Variants in SLC35A5 observed in about 807,000 individuals in gnomAD.
The protein encoded by SLC35A5 is solute carrier family 35 member A5.
SLC35A5 carries 28 observed loss-of-function variants against 36.3 expected under a neutral mutation model. That is an observed-to-expected ratio of 0.77 (90% CI 0.57 to 1.06). The LOEUF is 1.06. Ranked by LOEUF, SLC35A5 falls within the 50% of genes least tolerant of loss-of-function variation. The pLI is 0.00. For missense variants in SLC35A5, 521 were observed against 499.3 expected (o/e 1.04, Z -0.41); for synonymous variants, 180 against 173.7 (o/e 1.04, Z -0.29).
At chr3:112,563,096 C>G (rs1197701074) in intron 1 of SLC35A5, among the ~76,000 whole-genome samples, 1 of 152,168 alleles carries the variant, frequency 6.6e-6, no homozygotes, top group Non-Finnish European at 1.5e-5. Flanking sequence ...AAATAAAATT[C>G]AAAATTGCTT....
intron 2 of SLC35A5, among the ~76,000 whole-genome samples, chr3:112,567,661 T>G (rs1224259282): frequency 1.3e-5 from 2 of 152,216 alleles, no homozygotes; most frequent in Non-Finnish European, 2.9e-5. Flanking sequence ...AGCCCCTTCC[T>G]CTGGGGCTGA....
Position 112,574,005 on chromosome 3 carries a change from C to T in SLC35A5, c.428+49C>T, listed in dbSNP as rs1934568020. On this transcript the variant is annotated intron_variant, in intron 5 of 6. Coordinates refer to ENST00000492406, the MANE Select transcript of SLC35A5 (RefSeq NM_017945.5). ...TATATCATACTTTAAAATAACATAG[C>T]CCGGTTTCAAATGATATACCCAGAA... 4 of 1,490,376 alleles carry T rather than the reference C, an allele frequency of 2.7e-6. No individual in the cohort carries two copies. In the Middle Eastern group the frequency reaches 7.1e-4, roughly 265 times the overall value. 92.3% of individuals were successfully genotyped at this position (1,490,376 alleles called of 1,614,324 possible). A position where few individuals can be genotyped will look rare whatever the true frequency, so the allele number is the denominator to read the frequency against.
rs1035164186 is a variant in SLC35A5 at position 112,583,454 on chromosome 3, G to GCCA, written c.*720_*722dup. 11 of 240,248 alleles carry GCCA rather than the reference G, an allele frequency of 4.6e-5. No individual in the cohort carries two copies. In the Admixed American group the frequency reaches 6.1e-4, roughly 13 times the overall value. 14.9% of individuals were successfully genotyped at this position (240,248 alleles called of 1,614,324 possible). A position where few individuals can be genotyped will look rare whatever the true frequency, so the allele number is the denominator to read the frequency against. On this transcript the variant is annotated 3_prime_UTR_variant, in exon 7 of 7. Transcript: ENST00000492406. ...CTTGTATTTTAAGTCATTTAAACAAGCCACGGTGGGGCTTTTTTCTCCTCA... is the reference window on the plus strand; with the variant it reads ...CTTGTATTTTAAGTCATTTAAACAAGCCACCACGGTGGGGCTTTTTTCTCCTCA...
intron 4 of SLC35A5, among the ~76,000 whole-genome samples, chr3:112,572,885 C>A (rs562440426): frequency 2.0e-5 from 3 of 152,220 alleles, no homozygotes; most frequent in Non-Finnish European, 4.4e-5. Flanking sequence ...TTCCACACTT[C>A]ACAGCCACTT....
At position 112,581,002 on chromosome 3, in the gene SLC35A5, CTG is replaced by C; in HGVS notation, c.888_889del (p.Cys296TrpfsTer33). 6.2e-7 allele frequency: 1 copy of C among 1,614,092 alleles called. No individual in the cohort carries two copies. The highest frequency in any genetic ancestry group is 8.5e-7 in the Non-Finnish European group (1 of 1,179,968). On this transcript the variant is annotated frameshift_variant, in exon 6 of 7. Coordinates refer to ENST00000492406, the MANE Select transcript of SLC35A5 (RefSeq NM_017945.5). LOFTEE classifies it high-confidence loss of function. ...QRSNRDQIKN[C>X]GFFYGHSAFS... Reference sequence around the variant, plus strand: ...GGAGTAACCGTGATCAGATTAAGAACTGTGGATTTTTTTATGGCCACAGTGCA... The same window carrying C: ...GGAGTAACCGTGATCAGATTAAGAACTGGATTTTTTTATGGCCACAGTGCA...
chr3:112,570,571 C>T lies in SLC35A5; in HGVS notation c.261C>T (p.Ser87=). ...AAAGTAGAAATTTGAAATATGCTTC[C>T]TGGAAGGAATTCTCTGATTTCATGA... ...DHQSRNLKYA[S]WKEFSDFMKW... is the part of the protein sequence containing the mutation. The change falls in exon 4 of 7, where the codon TCC becomes TCT. Residue 87 remains serine, a synonymous_variant. Coordinates refer to ENST00000492406, the MANE Select transcript of SLC35A5 (RefSeq NM_017945.5). The T allele has an allele frequency of 6.2e-7, 1 of 1,609,442 alleles. No homozygotes were observed. The highest frequency in any genetic ancestry group is 8.5e-7 in the Non-Finnish European group (1 of 1,178,570).
intron 1 of SLC35A5, 51 bp from the exon 2 acceptor site, chr3:112,563,334 C>T: frequency 1.4e-6 from 2 of 1,383,494 alleles, no homozygotes; most frequent in East Asian, 2.6e-5. Context: ...ATGGTATTTG[C>T]GTTTAGGGTC....
At chr3:112,563,329 A>G (rs1934027828) in intron 1 of SLC35A5, 56 bp from the exon 2 acceptor site, 1 of 1,367,150 alleles carries the variant, frequency 7.3e-7, no homozygotes, top group Non-Finnish European at 9.6e-7. Context: ...GATCAATGGT[A>G]TTTGCGTTTA....
At chr3:112,576,559 C>G (rs1313963184) in intron 5 of SLC35A5, among the ~76,000 whole-genome samples, 1 of 152,232 alleles carries the variant, frequency 6.6e-6, no homozygotes, top group East Asian at 1.9e-4. Context: ...CCGCCTCACC[C>G]TAACCCCTGA....
Position 112,580,800 on chromosome 3 carries a change from G to A in SLC35A5, c.683G>A (p.Arg228His), listed in dbSNP as rs774550796. 37 of 1,614,050 alleles carry A rather than the reference G, an allele frequency of 2.3e-5. No homozygotes were observed. Among genetic ancestry groups the A allele is most frequent in the African/African-American group, 5.3e-5 (4 of 74,922 alleles). ...ACAGCCAGAGTTTTCAGTCACATCC[G>A]TCTTGGCATGGGCCATGTTCTTATT... ...NTTARVFSHI[R>H]LGMGHVLIIV... Residue 228 changes from arginine (R) to histidine (H), a missense_variant, in exon 6 of 7, where the codon CGT becomes CAT. Coordinates refer to ENST00000492406, the MANE Select transcript of SLC35A5 (RefSeq NM_017945.5).
At chr3:112,561,680 G>A (rs904932443), upstream of SLC35A5, 14 of 758,904 alleles carry the variant, frequency 1.8e-5, no homozygotes, top group Admixed American at 2.6e-4. Context: ...GCGACGGGAC[G>A]GGCGGGACGA....
chr3:112,570,210 A>ATTTT (rs59841833), intron 3 of SLC35A5, among the ~76,000 whole-genome samples: 13 of 148,196 alleles, frequency 8.8e-5, no homozygotes, highest in Admixed American at 2.0e-4. Flanking sequence ...TGAAGCCTTG[A>ATTTT]TTTTTTTTTT....
rs1440448553 is a variant in SLC35A5 at position 112,584,497 on chromosome 3, A to G, written c.*1761A>G. 6.6e-6 allele frequency: 1 copy of G among 152,198 alleles called. No homozygotes were observed. Among genetic ancestry groups the G allele is most frequent in the Non-Finnish European group, 1.5e-5 (1 of 68,026 alleles). The allele number at this position is 152,198 out of a possible 1,614,324, so 9.4% of individuals were successfully genotyped here. On this transcript the variant is annotated 3_prime_UTR_variant, in exon 7 of 7. Transcript: ENST00000492406. ...ATTAAATAGCAGATTTCAGTAGTGCATGGAGATTGATTTTCTTATTTACGA... is the reference window on the plus strand; with the variant it reads ...ATTAAATAGCAGATTTCAGTAGTGCGTGGAGATTGATTTTCTTATTTACGA...
At chr3:112,565,430 A>G (rs867856409) in intron 2 of SLC35A5, among the ~76,000 whole-genome samples, 1 of 152,194 alleles carries the variant, frequency 6.6e-6, no homozygotes, top group South Asian at 2.1e-4. Flanking sequence ...ACAGAGGCAT[A>G]AAAAAGCAGG....
At chr3:112,561,639 G>C, upstream of SLC35A5, 1 of 1,139,144 alleles carries the variant, frequency 8.8e-7, no homozygotes, top group Non-Finnish European at 1.3e-6. Context: ...TCAGCACCCG[G>C]CTGGCAGCAC....
intron 5 of SLC35A5, among the ~76,000 whole-genome samples, chr3:112,580,242 A>G (rs912214682): frequency 2.0e-5 from 3 of 152,224 alleles, no homozygotes; most frequent in Non-Finnish European, 4.4e-5. Flanking sequence ...TTACTGTGCC[A>G]GAGGTCCAGG....
rs182727865 is a variant in SLC35A5, at chr3:112,567,052, C to A, written c.131-2119C>A. Among the ~76,000 whole-genome samples the A allele has an allele frequency of 2.6e-3, 391 of 152,016 alleles. 1 individual carries two copies. Among genetic ancestry groups the A allele is most frequent in the Non-Finnish European group, 4.0e-3 (269 of 67,972 alleles). ...CCATCCTGGCTAACACAGTGAAACC[C>A]CATCTCCACTAAAAATACAAAAAAT... is the stretch of plus-strand genomic sequence containing the variant. On this transcript the variant is annotated intron_variant, in intron 2 of 6. Coordinates refer to ENST00000492406, the MANE Select transcript of SLC35A5 (RefSeq NM_017945.5).
intron 4 of SLC35A5, among the ~76,000 whole-genome samples, chr3:112,573,292 CAT>C (rs555897998): frequency 5.4e-4 from 82 of 152,282 alleles, no homozygotes; most frequent in Non-Finnish European, 7.6e-4. Flanking sequence ...TTAATACTCT[CAT>C]GTGTGAAATA....
upstream of SLC35A5, chr3:112,561,567 G>C (rs754541563): frequency 6.3e-6 from 10 of 1,594,564 alleles, no homozygotes; most frequent in Non-Finnish European, 7.7e-6. Flanking sequence ...CGACGGGATG[G>C]AAAGTGCAGC....
Sources: gnomAD v4.1 joint callset for allele counts (sites outside exome capture counted in the v4.1 genomes callset) on GRCh38, gnomAD v4.1.1 for gene constraint, MANE v1.5 for transcripts, NCBI Gene and HGNC (gene_info 2026-07-23, HGNC 2026-07-21) for gene names.